MAP3K2: variants seen among roughly 807,000 people sequenced by gnomAD.
The protein encoded by MAP3K2 is mitogen-activated protein kinase kinase kinase 2, also known as MAP/ERK kinase kinase 2.
A neutral mutation model predicts 80.3 loss-of-function variants in MAP3K2; 24 were observed. That is an observed-to-expected ratio of 0.30 (90% confidence interval 0.22 to 0.42). The LOEUF is 0.42. Among genes scored for constraint, MAP3K2 ranks in the 10% least tolerant of loss-of-function variants. MAP3K2 has a pLI of 1.00. For synonymous variants in MAP3K2, 244 were observed against 253.7 expected (o/e 0.96, Z 0.36); for missense variants, 608 against 750.1 (o/e 0.81, Z 2.21).
Position 127,301,683 on chromosome 2 carries a change from A to G in MAP3K2, c.*5896T>C, listed in dbSNP as rs888806695. ...TTGCTGTTATTAACAAAAATACCATATGACTATCAATTAAAATGCACAATT... is the reference window on the plus strand; with the variant it reads ...TTGCTGTTATTAACAAAAATACCATGTGACTATCAATTAAAATGCACAATT... On this transcript the variant is annotated 3_prime_UTR_variant, in exon 17 of 17. Coordinates refer to ENST00000682094, the MANE Select transcript of MAP3K2 (RefSeq NM_001371910.2). 2.0e-5 allele frequency: 3 copies of G among 152,222 alleles called. No individual in the cohort carries two copies. The highest frequency in any genetic ancestry group is 7.2e-5 in the African/African-American group (3 of 41,458). The allele number at this position is 152,222 out of a possible 1,614,324, so 9.4% of individuals were successfully genotyped here.
intron 1 of MAP3K2, among the ~76,000 whole-genome samples, chr2:127,344,696 A>G (rs1414141788): frequency 6.6e-6 from 1 of 152,170 alleles, no homozygotes; most frequent in Non-Finnish European, 1.5e-5. Flanking sequence ...AATTACCTTT[A>G]GCTATATGAA....
In MAP3K2 at chr2:127,387,559, G is replaced by A. The variant is rs1009466167; in HGVS notation, c.-173C>T. On this transcript the variant is annotated 5_prime_UTR_variant, in exon 1 of 17. Coordinates refer to ENST00000682094, the MANE Select transcript of MAP3K2 (RefSeq NM_001371910.2). ...CCTGTCACCGCGGCCCCAGGTCGGG[G>A]GCTGCCGCAGGGCCCCCGGGGACCG... 2 of 984,908 alleles carry A rather than the reference G, an allele frequency of 2.0e-6. No individual in the cohort carries two copies. The highest frequency in any genetic ancestry group is 3.5e-5 in the African/African-American group (2 of 57,192). The allele number at this position is 984,908 out of a possible 1,614,324, so 61.0% of individuals were successfully genotyped here.
At chr2:127,341,289 T>C (rs920494260) in intron 2 of MAP3K2, among the ~76,000 whole-genome samples, 1 of 151,416 alleles carries the variant, frequency 6.6e-6, no homozygotes, top group South Asian at 2.1e-4. Flanking sequence ...GCACCCGGCC[T>C]ACTTATTTAT....
Position 127,301,073 on chromosome 2 carries a change from A to T in MAP3K2, c.*6506T>A, listed in dbSNP as rs1233309613. 6.6e-6 allele frequency: 1 copy of T among 152,190 alleles called. No homozygotes were observed. The highest frequency in any genetic ancestry group is 2.4e-5 in the African/African-American group (1 of 41,430). 9.4% of individuals were successfully genotyped at this position (152,190 alleles called of 1,614,324 possible). On this transcript the variant is annotated 3_prime_UTR_variant, in exon 17 of 17. Coordinates refer to ENST00000682094, the MANE Select transcript of MAP3K2 (RefSeq NM_001371910.2). Reference sequence around the variant, plus strand: ...TTACTGTTCTCAACTGCATTAAGGGATTCTCAACTGCATTAAGGGATTCAG... The same window carrying T: ...TTACTGTTCTCAACTGCATTAAGGGTTTCTCAACTGCATTAAGGGATTCAG...
At chr2:127,347,268 G>A (rs1573996186) in intron 1 of MAP3K2, among the ~76,000 whole-genome samples, 1 of 151,936 alleles carries the variant, frequency 6.6e-6, no homozygotes, top group Non-Finnish European at 1.5e-5. Flanking sequence ...TGAAATAAAC[G>A]GAATCCAGAC....
chr2:127,371,737 T>C (rs1169978521), intron 1 of MAP3K2, among the ~76,000 whole-genome samples: 3 of 152,130 alleles, frequency 2.0e-5, no homozygotes, highest in Non-Finnish European at 4.4e-5. Flanking sequence ...GTTTTCTATG[T>C]GGAGAGGCAG....
At chr2:127,313,299 T>C (rs529328366) in intron 15 of MAP3K2, among the ~76,000 whole-genome samples, 2 of 152,304 alleles carry the variant, frequency 1.3e-5, no homozygotes, top group South Asian at 4.1e-4. Flanking sequence ...TGGACATTAT[T>C]CCTAACTGAA....
chr2:127,323,963 TC>T lies in MAP3K2; in HGVS notation c.776del (p.Gly259GlufsTer41). 1 of 1,559,470 alleles carries T rather than the reference TC, an allele frequency of 6.4e-7. No homozygotes were observed. The highest frequency in any genetic ancestry group is 8.8e-7 in the Non-Finnish European group (1 of 1,142,736). On this transcript the variant is annotated frameshift_variant, in exon 11 of 17. Coordinates refer to ENST00000682094, the MANE Select transcript of MAP3K2 (RefSeq NM_001371910.2). LOFTEE classifies it high-confidence loss of function. ...DYDNPIFEKF[G>X]KGGTYPRRYH... ...ACCTTCTTGGATATGTTCCTCCTTT[TC>T]CAAATTTCTCAAAGATAGGGTTATC...
At position 127,387,528 on chromosome 2, in the gene MAP3K2, G is replaced by A. The variant is rs996927493; in HGVS notation, c.-142C>T. 5 of 984,810 alleles carry A rather than the reference G, an allele frequency of 5.1e-6. No homozygotes were observed. The African/African-American group carries it at 7.0e-5, about 14-fold the overall frequency. 61.0% of individuals were successfully genotyped at this position (984,810 alleles called of 1,614,324 possible). On this transcript the variant is annotated 5_prime_UTR_variant, in exon 1 of 17. Transcript: ENST00000682094. ...CCGCCGAGCCCGCCCCTCCGCCCCAGCGCGGCCTGTCACCGCGGCCCCAGG... is the reference window on the plus strand; with the variant it reads ...CCGCCGAGCCCGCCCCTCCGCCCCAACGCGGCCTGTCACCGCGGCCCCAGG...
intron 1 of MAP3K2, among the ~76,000 whole-genome samples, chr2:127,383,896 T>TG (rs1687297095): frequency 7.0e-6 from 1 of 142,532 alleles, no homozygotes; most frequent in Admixed American, 7.3e-5. Context: ...TTTTTTGAGA[T>TG]GGAGTCTCGC....
rs953959635 is a variant in MAP3K2 at position 127,306,075 on chromosome 2, T to C, written c.*1504A>G. 2 of 152,138 alleles carry C rather than the reference T, an allele frequency of 1.3e-5. No homozygotes were observed. The highest frequency in any genetic ancestry group is 4.8e-5 in the African/African-American group (2 of 41,432). The allele number at this position is 152,138 out of a possible 1,614,324, so 9.4% of individuals were successfully genotyped here. On this transcript the variant is annotated 3_prime_UTR_variant, in exon 17 of 17. Coordinates refer to ENST00000682094, the MANE Select transcript of MAP3K2 (RefSeq NM_001371910.2). This position sits in a 1 kb window ranked among gnomAD's most constrained non-coding sequence, Gnocchi z 4.7. ...TGGGTGCAATATGCAGCTGGTAAAG[T>C]GATTGCTATTTGCTGTTTGTTGAGA...
In MAP3K2 at chr2:127,322,175, G is replaced by A; in HGVS notation, c.916C>T (p.His306Tyr). The A allele has an allele frequency of 1.2e-6, 2 of 1,613,922 alleles. No homozygotes were observed. Among genetic ancestry groups the A allele is most frequent in the Non-Finnish European group, 1.7e-6 (2 of 1,179,844 alleles). The stretch of plus-strand genomic sequence containing the variant: ...CTTCCACTACTAGTGCTTAAGGAAT[G>A]ATCAGTAGGACTGAAACTCACAGGA... ...RSPVSFSPTD[H>Y]SLSTSSGSSI... Residue 306 changes from histidine (H) to tyrosine (Y), a missense_variant, in exon 12 of 17, where the codon CAT (histidine) becomes TAT (tyrosine). Transcript: ENST00000682094. This position sits in a 1 kb window ranked among gnomAD's most constrained non-coding sequence, Gnocchi z 4.2.
At chr2:127,315,512 T>C (rs72845971) in intron 14 of MAP3K2, among the ~76,000 whole-genome samples, 5,152 of 152,320 alleles carry the variant, frequency 0.034, 126 homozygotes, top group Middle Eastern at 0.071. Context: ...AGGGAGAGCA[T>C]TTTGCAATTC....
At position 127,303,984 on chromosome 2, in the gene MAP3K2, G is replaced by C. The variant is rs1033225984; in HGVS notation, c.*3595C>G. On this transcript the variant is annotated 3_prime_UTR_variant, in exon 17 of 17. Transcript: ENST00000682094. ...CATATATATGAGCTGGAGTAGCAGAGACTTAGTCTAAAGAAATAGTTTCAT... is the reference window on the plus strand; with the variant it reads ...CATATATATGAGCTGGAGTAGCAGACACTTAGTCTAAAGAAATAGTTTCAT... The C allele has an allele frequency of 1.3e-5, 2 of 152,134 alleles. No homozygotes were observed. The highest frequency in any genetic ancestry group is 2.9e-5 in the Non-Finnish European group (2 of 68,010). The allele number at this position is 152,134 out of a possible 1,614,324, so 9.4% of individuals were successfully genotyped here.
At chr2:127,369,503 TAAAC>T (rs1214246123) in intron 1 of MAP3K2, among the ~76,000 whole-genome samples, 210 of 59,536 alleles carry the variant, frequency 3.5e-3, no homozygotes, top group African/African-American at 0.013. Context: ...AAACAGCAAA[TAAAC>T]AAGTAAAAAA....
At chr2:127,338,287 G>A (rs1480575698) in intron 3 of MAP3K2, among the ~76,000 whole-genome samples, 2 of 152,144 alleles carry the variant, frequency 1.3e-5, no homozygotes, top group Admixed American at 6.5e-5. Flanking sequence ...AGGGGTCAAC[G>A]TTGGCTGCAG....
chr2:127,377,060 CAAA>C (rs879437855), intron 1 of MAP3K2, among the ~76,000 whole-genome samples: 2 of 132,714 alleles, frequency 1.5e-5, no homozygotes. Context: ...GATCCTGTCT[CAAA>C]AAAAAAAAAG....
chr2:127,313,076 AG>A (rs1220646836), intron 15 of MAP3K2, among the ~76,000 whole-genome samples: 2 of 152,196 alleles, frequency 1.3e-5, no homozygotes, highest in African/African-American at 4.8e-5. Context: ...TACAAACTTA[AG>A]ATCATATTGC....
intron 1 of MAP3K2, among the ~76,000 whole-genome samples, chr2:127,366,712 C>T (rs1223568726): frequency 1.3e-5 from 2 of 152,086 alleles, no homozygotes; most frequent in Non-Finnish European, 2.9e-5. Context: ...CTTCACCCCA[C>T]TCCCTACCTT....
Sources: allele counts gnomAD v4.1 joint callset (sites outside exome capture counted in the v4.1 genomes callset), GRCh38; gene constraint gnomAD v4.1.1; non-coding constraint Gnocchi (gnomAD v3.1); transcripts MANE v1.5; gene names NCBI Gene and HGNC (gene_info 2026-07-23, HGNC 2026-07-21).